The following CMC2 variants were observed in gnomAD, a reference collection of about 807,000 sequenced individuals.
The protein encoded by CMC2 is COX assembly mitochondrial protein 2 homolog.
Under a neutral mutation model 7.5 loss-of-function variants are expected in CMC2, and 5 were observed. The observed-to-expected ratio is 0.66, with a 90% CI of 0.35 to 1.40. The LOEUF (loss-of-function observed/expected upper bound fraction) is 1.40. CMC2 is among the 40% of genes most tolerant of loss of function. The probability of loss-of-function intolerance (pLI) is 0.04; values close to 1 mark genes in which losing one functional copy is unlikely to be tolerated. For missense variants in CMC2, 115 were observed against 92.3 expected (o/e 1.25, Z -1.01); for synonymous variants, 37 against 31.4 (o/e 1.18, Z -0.60).
Position 80,975,000 on chromosome 16 carries a change from A to G in CMC2, c.*1093T>C, listed in dbSNP as rs1414082450. ...GATATTATACACAGAACTCCACTAGAAGGAGCTCACAGCTGAGTCTGTTCC... is the reference window on the plus strand; with the variant it reads ...GATATTATACACAGAACTCCACTAGGAGGAGCTCACAGCTGAGTCTGTTCC... On this transcript the variant is annotated 3_prime_UTR_variant, in exon 4 of 4. Transcript: ENST00000219400. 1 of 152,188 alleles carries G rather than the reference A, an allele frequency of 6.6e-6. No individual in the cohort carries two copies. Among genetic ancestry groups the G allele is most frequent in the East Asian group, 1.9e-4 (1 of 5,200 alleles). 9.4% of individuals were successfully genotyped at this position (152,188 alleles called of 1,614,324 possible). A position where few individuals can be genotyped will look rare whatever the true frequency, so the allele number is the denominator to read the frequency against.
intron 2 of CMC2, chr16:80,991,944 T>C: frequency 2.2e-6 from 1 of 455,612 alleles, no homozygotes; most frequent in Non-Finnish European, 4.4e-6. Flanking sequence ...GTAATGTGTA[T>C]CCTGGACGGA....
chr16:80,989,895 G>A (rs1031307205), intron 2 of CMC2, among the ~76,000 whole-genome samples: 2 of 152,186 alleles, frequency 1.3e-5, no homozygotes, highest in Non-Finnish European at 2.9e-5. Context: ...AGAAGCCAGT[G>A]TCAGAACTGC....
At chr16:80,986,405 A>C (rs1040867807) in intron 2 of CMC2, among the ~76,000 whole-genome samples, 1 of 151,966 alleles carries the variant, frequency 6.6e-6, no homozygotes, top group Admixed American at 6.6e-5. Context: ...CAGTGAGCTG[A>C]GATTGTACCA....
chr16:81,004,820 A>C (rs1969130933), intron 1 of CMC2, among the ~76,000 whole-genome samples: 1 of 152,236 alleles, frequency 6.6e-6, no homozygotes, highest in Non-Finnish European at 1.5e-5. Flanking sequence ...TTCAACCACC[A>C]GGTGGCACAA....
At chr16:80,978,477 C>T in intron 3 of CMC2, 1 of 896,348 alleles carries the variant, frequency 1.1e-6, no homozygotes, top group Non-Finnish European at 1.5e-6. Context: ...TCAAACAATA[C>T]AGACAGAATG....
rs188216189 is a variant in CMC2, at chr16:81,002,933, C to G, written c.-36+3801G>C. ...AGAAGCTACTACTTAACCTAAAGCT[C>G]TAAACACTCACCTTATCCCTTATCC... On this transcript the variant is annotated intron_variant, in intron 1 of 3. Transcript: ENST00000219400. Among the ~76,000 whole-genome samples the G allele has an allele frequency of 1.3e-3, 204 of 152,312 alleles. 1 individual carries two copies. The highest frequency in any genetic ancestry group is 4.7e-3 in the African/African-American group (197 of 41,568).
chr16:80,990,107 C>CTTT (rs36083108), intron 2 of CMC2, among the ~76,000 whole-genome samples: 14 of 151,324 alleles, frequency 9.3e-5, no homozygotes, highest in Middle Eastern at 3.5e-3. Flanking sequence ...ATTCCCTCCC[C>CTTT]TTTTTTTGAG....
chr16:80,981,926 G>T (rs1420117352), intron 2 of CMC2, 49 bp from the exon 3 acceptor site: 2 of 1,204,498 alleles, frequency 1.7e-6, no homozygotes, highest in East Asian at 4.7e-5. Context: ...ATATGCCAAG[G>T]TTTGGGGCAC....
chr16:80,995,386 T>C (rs867691904), intron 2 of CMC2, among the ~76,000 whole-genome samples: 2 of 150,530 alleles, frequency 1.3e-5, no homozygotes, highest in Non-Finnish European at 3.0e-5. Flanking sequence ...CCAGGTGCAG[T>C]GGCTCATGCC....
chr16:81,006,678 G>C, intron 1 of CMC2, 56 bp downstream of exon 1: 1 of 981,426 alleles, frequency 1.0e-6, no homozygotes, highest in Middle Eastern at 5.2e-4. Context: ...CGCCATCAGG[G>C]ACCTGAGGAG....
chr16:80,982,953 A>G (rs12918103), intron 2 of CMC2: 2,931 of 184,198 alleles, frequency 0.016, 51 homozygotes, highest in East Asian at 0.053. Flanking sequence ...ATTACAGGAA[A>G]AAGTTGAACT....
intron 3 of CMC2, among the ~76,000 whole-genome samples, chr16:80,976,561 A>G (rs1912379967): frequency 6.6e-6 from 1 of 152,150 alleles, no homozygotes; most frequent in Non-Finnish European, 1.5e-5. Flanking sequence ...ACTTCTGCTG[A>G]GTACCTCTAG....
At chr16:80,995,588 C>T (rs769855872) in intron 2 of CMC2, among the ~76,000 whole-genome samples, 5 of 152,076 alleles carry the variant, frequency 3.3e-5, no homozygotes, top group Non-Finnish European at 7.4e-5. Flanking sequence ...ACCTGGGAGG[C>T]GGAGGTTGCA....
At position 80,981,622 on chromosome 16, in the gene CMC2, G is replaced by A. The variant is rs184490634; in HGVS notation, c.153+184C>T. Among the ~76,000 whole-genome samples, 127 of 152,310 alleles carry A rather than the reference G, an allele frequency of 8.3e-4. 1 individual carries two copies. Among genetic ancestry groups the A allele is most frequent in the Middle Eastern group, 3.4e-3 (1 of 294 alleles). ...TTTGTGTTCATGGCCAAAAAGCCAT[G>A]TTCTAAAACTGTCCCCAGAAAAGCT... On this transcript the variant is annotated intron_variant, in intron 3 of 3. Transcript: ENST00000219400.
At chr16:80,999,100 C>T (rs1968650444) in intron 1 of CMC2, among the ~76,000 whole-genome samples, 1 of 152,144 alleles carries the variant, frequency 6.6e-6, no homozygotes, top group Non-Finnish European at 1.5e-5. Context: ...CCAAAGCAAT[C>T]AGTCAAGAGA....
At chr16:80,994,099 G>A (rs542135190) in intron 2 of CMC2, among the ~76,000 whole-genome samples, 1 of 152,228 alleles carries the variant, frequency 6.6e-6, no homozygotes, top group South Asian at 2.1e-4. Context: ...AGCAGGGATA[G>A]AACAGTCTCT....
In CMC2 at chr16:80,971,200, T is replaced by C. The variant is rs1911887034; in HGVS notation, c.*4893A>G. ...ACATTTGGGGTGTAATTTAGCAACT[T>C]CTAGTAAGTTTGAAAATGCATACCT... On this transcript the variant is annotated 3_prime_UTR_variant, in exon 4 of 4. Transcript: ENST00000219400. 6.6e-6 allele frequency: 1 copy of C among 152,120 alleles called. No homozygotes were observed. The highest frequency in any genetic ancestry group is 2.4e-5 in the African/African-American group (1 of 41,426). The allele number at this position is 152,120 out of a possible 1,614,324, so 9.4% of individuals were successfully genotyped here.
At chr16:80,991,452 T>C (rs1967986134) in intron 2 of CMC2, among the ~76,000 whole-genome samples, 1 of 152,108 alleles carries the variant, frequency 6.6e-6, no homozygotes, top group Non-Finnish European at 1.5e-5. Context: ...CTGAGCAACA[T>C]GGCGAAAACC....
intron 1 of CMC2, among the ~76,000 whole-genome samples, chr16:81,003,641 T>C (rs534025786): frequency 6.6e-6 from 1 of 152,280 alleles, no homozygotes; most frequent in South Asian, 2.1e-4. Context: ...GTGAATGAAA[T>C]ACATTCAGAT....
Sources: allele counts gnomAD v4.1 joint callset (sites outside exome capture counted in the v4.1 genomes callset), GRCh38; gene constraint gnomAD v4.1.1; transcripts MANE v1.5; gene names NCBI Gene and HGNC (gene_info 2026-07-23, HGNC 2026-07-21).